Variants in ZNF43 observed in about 807,000 individuals in gnomAD.
ZNF43 encodes zinc finger protein 43, also known as zinc finger protein 39-like 1 (KOX 27).
ZNF43 carries 44 observed loss-of-function variants against 68.4 expected under a neutral mutation model. The observed-to-expected ratio is 0.64, with a 90% confidence interval of 0.51 to 0.83. The LOEUF (loss-of-function observed/expected upper bound fraction) is 0.83, where lower values mean the gene tolerates loss of function less well. Among genes scored for constraint, ZNF43 ranks in the 40% least tolerant of loss-of-function variants. The pLI is 0.00. For synonymous variants in ZNF43, 308 were observed against 307.8 expected (o/e 1.00, Z -0.01); for missense variants, 896 against 933.2 (o/e 0.96, Z 0.52).
chr19:21,851,661 A>G (rs1426168205), intron 1 of ZNF43, among the ~76,000 whole-genome samples: 1 of 152,122 alleles, frequency 6.6e-6, no homozygotes, highest in Non-Finnish European at 1.5e-5. Flanking sequence ...TCCCTGAACA[A>G]TCTGGGAAAT....
At chr19:21,851,996 C>A in exon 1 of ZNF43, 1 of 1,506,120 alleles carries the variant, frequency 6.6e-7, no homozygotes, top group Admixed American at 2.0e-5. Flanking sequence ...GACAAAGTCA[C>A]CGGGGATTCC....
intron 1 of ZNF43, chr19:21,827,403 C>T (rs541422758): frequency 2.0e-5 from 3 of 152,046 alleles, no homozygotes; most frequent in African/African-American, 7.2e-5. Context: ...CTCTTGTTGC[C>T]CAGGCTGGAG....
intron 1 of ZNF43, among the ~76,000 whole-genome samples, chr19:21,828,140 CTT>C (rs1364557584): frequency 1.3e-5 from 2 of 152,122 alleles, no homozygotes; most frequent in African/African-American, 4.8e-5. Flanking sequence ...TTGGTAGTGA[CTT>C]TTCTTTGGAT....
chr19:21,847,984 G>A (rs1182116450), intron 1 of ZNF43, among the ~76,000 whole-genome samples: 4 of 151,842 alleles, frequency 2.6e-5, no homozygotes, highest in African/African-American at 4.8e-5. Flanking sequence ...CACCATGCCC[G>A]GCTAATTTTT....
rs1314577360 is a variant in ZNF43, at chr19:21,818,043, C to A, written c.131-57G>T. 35 of 1,484,920 alleles carry A rather than the reference C, an allele frequency of 2.4e-5. 1 individual carries two copies. The South Asian group carries it at 3.4e-4, about 15-fold the overall frequency. The allele number at this position is 1,484,920 out of a possible 1,614,324, so 92.0% of individuals were successfully genotyped here. ...TTGCTCATATTCTCCCATTATTAACCTAGTAATGTGTCCAGTATGAAGGGT... is the reference window on the plus strand; with the variant it reads ...TTGCTCATATTCTCCCATTATTAACATAGTAATGTGTCCAGTATGAAGGGT... On this transcript the variant is annotated intron_variant, in intron 2 of 3. Transcript: ENST00000354959.
chr19:21,844,110 C>T (rs1050205372), intron 1 of ZNF43, among the ~76,000 whole-genome samples: 4 of 152,034 alleles, frequency 2.6e-5, no homozygotes, highest in Non-Finnish European at 5.9e-5. Context: ...AAACCATGAT[C>T]GTACCTGCGG....
chr19:21,850,995 T>G (rs1002384850), intron 1 of ZNF43: 1 of 152,244 alleles, frequency 6.6e-6, no homozygotes, highest in Non-Finnish European at 1.5e-5. Context: ...GTTCCAGGTA[T>G]GAGGGTCAAC....
intron 1 of ZNF43, chr19:21,827,287 G>A (rs2038181723): frequency 1.3e-5 from 2 of 151,914 alleles, no homozygotes; most frequent in Admixed American, 1.3e-4. Context: ...TTTTGATGAA[G>A]AATTGAAATC....
chr19:21,838,591 G>A (rs986666666), upstream of ZNF43, among the ~76,000 whole-genome samples: 2 of 152,104 alleles, frequency 1.3e-5, no homozygotes, highest in Non-Finnish European at 2.9e-5. Flanking sequence ...GTAGAGACGG[G>A]GTTTCCCCAT....
At chr19:21,852,042 C>A in exon 1 of ZNF43, 2 of 1,276,572 alleles carry the variant, frequency 1.6e-6, no homozygotes, top group South Asian at 1.4e-5. Context: ...AGGCGGGTCC[C>A]AAGGTCTAGC....
chr19:21,844,000 C>T (rs909649140), intron 1 of ZNF43, among the ~76,000 whole-genome samples: 2 of 152,042 alleles, frequency 1.3e-5, no homozygotes, highest in Non-Finnish European at 2.9e-5. Flanking sequence ...ACAATGTCAC[C>T]TGTGTGCTGG....
rs2037679493 is a variant in ZNF43 at position 21,819,202 on chromosome 19, T to C, written c.23A>G (p.Asp8Gly). The change falls in exon 2 of 4, where the codon GAT (aspartate) becomes GGT (glycine). Residue 8 changes from aspartate to glycine, a missense_variant. Asp to Gly is a moderately conservative substitution (Grantham distance 94, BLOSUM62 -1). Coordinates refer to ENST00000354959, the MANE Select transcript of ZNF43 (RefSeq NM_003423.4). MGPLTFM[D>G]VAIEFCLEEW... is the part of the protein sequence containing the mutation. ...CTCCAGACAGAATTCTATGGCCACA[T>C]CCATAAATGTCAATGGTCCCTAAAA... The C allele has an allele frequency of 6.3e-7, 1 of 1,599,808 alleles. No homozygotes were observed. The highest frequency in any genetic ancestry group is 1.4e-5 in the African/African-American group (1 of 73,852).
intron 1 of ZNF43, among the ~76,000 whole-genome samples, chr19:21,834,805 A>G (rs1338503356): frequency 6.6e-6 from 1 of 151,570 alleles, no homozygotes; most frequent in Non-Finnish European, 1.5e-5. Context: ...AAGAAAGAAG[A>G]AGGAAAGAAG....
At position 21,809,643 on chromosome 19, in the gene ZNF43, T is replaced by C. The variant is rs764354359; in HGVS notation, c.394A>G (p.Asn132Asp). ...DECKVHRGGY[N>D]GFNQCLPATQ... ...GCTGGCAAACATTGGTTAAATCCAT[T>C]ATAACCTCCTCTGTGCACCTTACAC... Residue 132 changes from asparagine to aspartate, a missense_variant, in exon 4 of 4, where the codon AAT (asparagine) becomes GAT (aspartate). Coordinates refer to ENST00000354959, the MANE Select transcript of ZNF43 (RefSeq NM_003423.4). 1.9e-6 allele frequency: 3 copies of C among 1,612,778 alleles called. No individual in the cohort carries two copies. Among genetic ancestry groups the C allele is most frequent in the Non-Finnish European group, 2.5e-6 (3 of 1,179,570 alleles).
chr19:21,849,162 C>A (rs552627205), intron 1 of ZNF43, among the ~76,000 whole-genome samples: 187 of 152,230 alleles, frequency 1.2e-3, no homozygotes, highest in Non-Finnish European at 2.1e-3. Context: ...ATGACACTCT[C>A]TGTACCACGA....
chr19:21,850,290 C>G (rs1371345521), intron 1 of ZNF43, among the ~76,000 whole-genome samples: 1 of 145,772 alleles, frequency 6.9e-6, no homozygotes, highest in South Asian at 2.2e-4. Context: ...GGGCCAGACA[C>G]GGTGGGTCAC....
chr19:21,821,435 TC>T (rs1213866951), intron 1 of ZNF43, among the ~76,000 whole-genome samples: 1 of 152,194 alleles, frequency 6.6e-6, no homozygotes, highest in East Asian at 1.9e-4. Context: ...AGCAAGTATA[TC>T]CTGATAGTAT....
At chr19:21,834,792 G>A (rs1038848599) in intron 1 of ZNF43, among the ~76,000 whole-genome samples, 2 of 139,118 alleles carry the variant, frequency 1.4e-5, no homozygotes, top group Non-Finnish European at 1.6e-5. Flanking sequence ...AAGGAAGGAA[G>A]GAAAGAAAGA....
intron 3 of ZNF43, among the ~76,000 whole-genome samples, chr19:21,813,191 T>C (rs557543363): frequency 7.2e-4 from 109 of 150,648 alleles, no homozygotes; most frequent in Non-Finnish European, 1.4e-3. Flanking sequence ...TGCAGTGAAC[T>C]GAGAGCACGC....
Sources: allele counts gnomAD v4.1 joint callset (sites outside exome capture counted in the v4.1 genomes callset), GRCh38; gene constraint gnomAD v4.1.1; transcripts MANE v1.5; gene names NCBI Gene and HGNC (gene_info 2026-07-23, HGNC 2026-07-21).